Variants in RMDN2 observed in about 807,000 individuals in gnomAD.
The protein encoded by RMDN2 is regulator of microtubule dynamics protein 2.
RMDN2 carries 61 observed loss-of-function variants against 52.8 expected under a neutral mutation model. That is an observed-to-expected ratio of 1.16 (90% CI 0.94 to 1.43). The LOEUF (loss-of-function observed/expected upper bound fraction) is 1.43. Among genes scored for constraint, RMDN2 ranks in the 40% most tolerant of loss-of-function variants. RMDN2 has a pLI of 0.00. For synonymous variants in RMDN2, 180 were observed against 153.1 expected (o/e 1.18, Z -1.30); for missense variants, 592 against 475.3 (o/e 1.25, Z -2.28).
intron 10 of RMDN2, among the ~76,000 whole-genome samples, chr2:38,050,777 G>A (rs1353047653): frequency 6.6e-6 from 1 of 152,008 alleles, no homozygotes; most frequent in Non-Finnish European, 1.5e-5. Flanking sequence ...TGTTTTTTCT[G>A]AGACAGAGGC....
At chr2:38,053,990 G>A (rs557487196) in intron 10 of RMDN2, among the ~76,000 whole-genome samples, 4 of 152,336 alleles carry the variant, frequency 2.6e-5, no homozygotes, top group Admixed American at 2.0e-4. Flanking sequence ...TTATTATTCA[G>A]ATATTCTAGG....
intron 2 of RMDN2, among the ~76,000 whole-genome samples, chr2:37,934,188 A>C (rs958368390): frequency 2.0e-5 from 3 of 152,258 alleles, no homozygotes; most frequent in Non-Finnish European, 2.9e-5. Context: ...CTTGTTTCAC[A>C]CAAGAAAGGA....
intron 10 of RMDN2, among the ~76,000 whole-genome samples, chr2:38,050,886 G>A (rs1005815634): frequency 6.6e-6 from 1 of 152,150 alleles, no homozygotes; most frequent in Non-Finnish European, 1.5e-5. Context: ...AGCATCCCAC[G>A]TGGTAGCTGG....
At chr2:38,025,402 ACTG>A (rs751538429) in intron 10 of RMDN2, among the ~76,000 whole-genome samples, 30 of 152,064 alleles carry the variant, frequency 2.0e-4, no homozygotes, top group Non-Finnish European at 3.2e-4. Context: ...ATTTTCTACT[ACTG>A]TGATTATATC....
intron 2 of RMDN2, among the ~76,000 whole-genome samples, chr2:37,953,972 G>A (rs1463542029): frequency 6.6e-6 from 1 of 151,902 alleles, no homozygotes; most frequent in East Asian, 1.9e-4. Flanking sequence ...CTTTTCGTGT[G>A]ACTGCTGCCC....
intron 10 of RMDN2, among the ~76,000 whole-genome samples, chr2:38,035,193 G>A (rs1211385536): frequency 1.3e-5 from 2 of 152,118 alleles, no homozygotes; most frequent in Admixed American, 1.3e-4. Flanking sequence ...CAGTTAGAAG[G>A]TGTACTGGAA....
At chr2:37,950,559 T>G (rs777147901) in intron 2 of RMDN2, 3 of 1,613,190 alleles carry the variant, frequency 1.9e-6, no homozygotes, top group Non-Finnish European at 2.5e-6. Flanking sequence ...GGGAGAGACT[T>G]ACTTTGGATT....
At chr2:37,950,378 C>CTA (rs1429225894) in intron 2 of RMDN2, 14 of 1,461,134 alleles carry the variant, frequency 9.6e-6, no homozygotes, top group Admixed American at 5.5e-5. Flanking sequence ...GAAAGGTGAG[C>CTA]TACAGAACAG....
chr2:38,000,792 GCTT>G (rs1313267276), intron 8 of RMDN2, among the ~76,000 whole-genome samples: 1 of 152,210 alleles, frequency 6.6e-6, no homozygotes, highest in Non-Finnish European at 1.5e-5. Context: ...TTTGCATAAA[GCTT>G]CTGTGAACAT....
intron 2 of RMDN2, among the ~76,000 whole-genome samples, chr2:37,954,564 T>C (rs1408816309): frequency 6.6e-6 from 1 of 152,134 alleles, no homozygotes; most frequent in African/African-American, 2.4e-5. Context: ...TATACATCTG[T>C]CTTTACACCA....
chr2:38,037,849 T>G (rs1680688101), intron 10 of RMDN2, among the ~76,000 whole-genome samples: 2 of 152,136 alleles, frequency 1.3e-5, no homozygotes, highest in South Asian at 4.1e-4. Context: ...ATGATGAAAC[T>G]CTTTCTGAGG....
chr2:37,929,351 T>C lies in RMDN2; in HGVS notation c.74T>C (p.Leu25Ser). The C allele has an allele frequency of 6.4e-7, 1 of 1,552,042 alleles. No individual in the cohort carries two copies. Among genetic ancestry groups the C allele is most frequent in the African/African-American group, 1.4e-5 (1 of 73,180 alleles). Residue 25 changes from leucine to serine, a missense_variant, in exon 2 of 11, where the codon TTG becomes TCG. By Grantham distance (145) the Leu-to-Ser change is moderately radical. Transcript: ENST00000354545. ...VGTAGISLLL[L>S]WYHKVRKPGI... Reference sequence around the variant, plus strand: ...ACTGCTGGAATCAGCTTGCTGCTCTTGTGGTACCACAAGGTCCGTAAACCA... The same window carrying C: ...ACTGCTGGAATCAGCTTGCTGCTCTCGTGGTACCACAAGGTCCGTAAACCA...
At chr2:38,011,055 T>G (rs563905164) in intron 10 of RMDN2, among the ~76,000 whole-genome samples, 68 of 152,292 alleles carry the variant, frequency 4.5e-4, no homozygotes, top group Middle Eastern at 3.4e-3. Flanking sequence ...GGGCACAGCA[T>G]AATTCCGGGG....
At position 37,949,946 on chromosome 2, in the gene RMDN2, C is replaced by T. The variant is rs118027866; in HGVS notation, c.452+20217C>T. On this transcript the variant is annotated intron_variant, in intron 2 of 10. Transcript: ENST00000354545. ...GATAAATAGTGCCACAGCATATCCC[C>T]GTAATCTGTGCAAATGGCCCAAGCA... 2.4e-4 allele frequency: 39 copies of T among 163,540 alleles called. No individual in the cohort carries two copies. In the East Asian group the frequency reaches 6.5e-3, roughly 27 times the overall value. 10.1% of individuals were successfully genotyped at this position (163,540 alleles called of 1,614,324 possible). A position where few individuals can be genotyped will look rare whatever the true frequency, so the allele number is the denominator to read the frequency against.
At chr2:37,946,871 G>C (rs192364696) in intron 2 of RMDN2, among the ~76,000 whole-genome samples, 2 of 152,192 alleles carry the variant, frequency 1.3e-5, no homozygotes, top group East Asian at 3.9e-4. Flanking sequence ...ATCTAGTGTT[G>C]CTAGAATGCA....
At chr2:37,946,665 C>G (rs1033584626) in intron 2 of RMDN2, among the ~76,000 whole-genome samples, 1 of 151,930 alleles carries the variant, frequency 6.6e-6, no homozygotes, top group Admixed American at 6.6e-5. Context: ...AGGTGGTTGC[C>G]CCATTTGAGA....
chr2:38,056,402 G>A (rs1681857251), intron 10 of RMDN2, among the ~76,000 whole-genome samples: 1 of 152,128 alleles, frequency 6.6e-6, no homozygotes, highest in Non-Finnish European at 1.5e-5. Flanking sequence ...ACACTGTGTT[G>A]GGGCATGCCG....
intron 1 of RMDN2, among the ~76,000 whole-genome samples, chr2:37,926,169 G>C (rs919175547): frequency 6.6e-6 from 1 of 151,902 alleles, no homozygotes; most frequent in Non-Finnish European, 1.5e-5. Context: ...GAGTTTATTA[G>C]AGTTATGCAT....
At chr2:37,930,153 C>G (rs1666608691) in intron 2 of RMDN2, among the ~76,000 whole-genome samples, 1 of 152,228 alleles carries the variant, frequency 6.6e-6, no homozygotes, top group Non-Finnish European at 1.5e-5. Flanking sequence ...CCACAAAGCA[C>G]ATGAAATGTG....
Sources: allele counts gnomAD v4.1 joint callset (sites outside exome capture counted in the v4.1 genomes callset), GRCh38; gene constraint gnomAD v4.1.1; transcripts MANE v1.5; gene names NCBI Gene and HGNC (gene_info 2026-07-23, HGNC 2026-07-21).